SIDT1: variants seen among roughly 807,000 people sequenced by gnomAD.
SIDT1 encodes the protein SID1 transmembrane family, member 1.
SIDT1 carries 101 observed loss-of-function variants against 107.5 expected under a neutral mutation model. The observed-to-expected ratio is 0.94, with a 90% confidence interval of 0.80 to 1.11. The LOEUF is 1.11. Ranked by LOEUF, SIDT1 falls within the 50% of genes least tolerant of loss-of-function variation. SIDT1 has a pLI of 0.00. For missense variants in SIDT1, 1,076 were observed against 1,058.2 expected (o/e 1.02, Z -0.23); for synonymous variants, 395 against 398.2 (o/e 0.99, Z 0.10).
At chr3:113,539,053 A>C (rs1374145803) in intron 1 of SIDT1, among the ~76,000 whole-genome samples, 1 of 152,010 alleles carries the variant, frequency 6.6e-6, no homozygotes, top group East Asian at 1.9e-4. Flanking sequence ...CTATAACGGG[A>C]AACTTCACCT....
At chr3:113,554,407 G>A (rs564152582) in intron 1 of SIDT1, among the ~76,000 whole-genome samples, 1 of 152,262 alleles carries the variant, frequency 6.6e-6, no homozygotes, top group Non-Finnish European at 1.5e-5. Context: ...ATGTGTCATG[G>A]GAGGGGACCG....
rs1015515626 is a variant in SIDT1, at chr3:113,532,959, C to A, written c.-63C>A. The stretch of plus-strand genomic sequence containing the variant: ...GCCCTGCACCGGGCTTTGGAAGGAC[C>A]CTCTCTGCGCTCGCCCCCTCCCCAG... On this transcript the variant is annotated 5_prime_UTR_variant, in exon 1 of 25. Coordinates refer to ENST00000264852, the MANE Select transcript of SIDT1 (RefSeq NM_017699.3). The A allele has an allele frequency of 1.8e-5, 21 of 1,150,868 alleles. No homozygotes were observed. Among genetic ancestry groups the A allele is most frequent in the Non-Finnish European group, 2.4e-5 (21 of 890,468 alleles). The allele number at this position is 1,150,868 out of a possible 1,614,324, so 71.3% of individuals were successfully genotyped here.
chr3:113,623,834 A>C, intron 23 of SIDT1, 101 bp downstream of exon 23: 1 of 766,492 alleles, frequency 1.3e-6, no homozygotes, highest in Non-Finnish European at 2.2e-6. Context: ...AGTGTCTAAA[A>C]TGAAAGTTTT....
At chr3:113,609,603 G>A (rs1945596759) in intron 17 of SIDT1, among the ~76,000 whole-genome samples, 1 of 152,214 alleles carries the variant, frequency 6.6e-6, no homozygotes, top group Non-Finnish European at 1.5e-5. Context: ...AGGAAAAGCT[G>A]ATGCTGTCTA....
chr3:113,600,633 G>A (rs867222229), intron 10 of SIDT1, among the ~76,000 whole-genome samples: 1 of 152,190 alleles, frequency 6.6e-6, no homozygotes, highest in South Asian at 2.1e-4. Context: ...CTGTAACTAT[G>A]GCCAATTCTG....
chr3:113,571,351 G>A (rs1444737524), intron 3 of SIDT1, among the ~76,000 whole-genome samples: 1 of 152,220 alleles, frequency 6.6e-6, no homozygotes, highest in African/African-American at 2.4e-5. Context: ...CCAGGAGTTT[G>A]TGCTGCTGTG....
In SIDT1 at chr3:113,595,374, A is replaced by G. The variant is rs1944469552; in HGVS notation, c.1045+2326A>G. ...GATTGTTTGGGCCTAGGAGTTCGAG[A>G]CCAGCCTAGGCAACATAGTAAGACT... is the stretch of plus-strand genomic sequence containing the variant. On this transcript the variant is annotated intron_variant, in intron 10 of 24. Coordinates refer to ENST00000264852, the MANE Select transcript of SIDT1 (RefSeq NM_017699.3). Among the ~76,000 whole-genome samples, 4 of 152,062 alleles carry G rather than the reference A, an allele frequency of 2.6e-5. No individual in the cohort carries two copies. The South Asian group carries it at 6.2e-4, about 24-fold the overall frequency.
chr3:113,570,454 G>C (rs891755246), intron 3 of SIDT1, among the ~76,000 whole-genome samples: 2 of 136,478 alleles, frequency 1.5e-5, no homozygotes, highest in Non-Finnish European at 3.1e-5. Context: ...TCTTCTGTAA[G>C]GTTATTAGAA....
In SIDT1 at chr3:113,580,593, T is replaced by C; in HGVS notation, c.562-15T>C. The C allele has an allele frequency of 6.7e-7, 1 of 1,486,994 alleles. No homozygotes were observed. The highest frequency in any genetic ancestry group is 9.4e-7 in the Non-Finnish European group (1 of 1,065,710). The allele number at this position is 1,486,994 out of a possible 1,614,324, so 92.1% of individuals were successfully genotyped here. On this transcript the variant is annotated splice_polypyrimidine_tract_variant and intron_variant, in intron 4 of 24. Transcript: ENST00000264852. ...ATGTAAATATAAATCATGTCTTTCT[T>C]TTTCTTATTCTCAGTATTTTCTATA...
intron 1 of SIDT1, among the ~76,000 whole-genome samples, chr3:113,551,643 T>C (rs1397305666): frequency 6.6e-6 from 1 of 152,206 alleles, no homozygotes; most frequent in Non-Finnish European, 1.5e-5. Context: ...GATTTTTTAT[T>C]ATCGTTTTCC....
chr3:113,613,845 T>A (rs1267883554), intron 19 of SIDT1, among the ~76,000 whole-genome samples: 1 of 152,254 alleles, frequency 6.6e-6, no homozygotes, highest in East Asian at 1.9e-4. Context: ...CCAAATTATC[T>A]TATCTTTTAA....
Position 113,599,799 on chromosome 3 carries a change from T to A in SIDT1, c.1046-1789T>A, listed in dbSNP as rs142446084. ...TCTGCAGGCAGGTAGGATGAATAAGTCTAGTATACAGTAGGAAGAATATAT... is the reference window on the plus strand; with the variant it reads ...TCTGCAGGCAGGTAGGATGAATAAGACTAGTATACAGTAGGAAGAATATAT... On this transcript the variant is annotated intron_variant, in intron 10 of 24. Transcript: ENST00000264852. Among the ~76,000 whole-genome samples, 10 of 152,228 alleles carry A rather than the reference T, an allele frequency of 6.6e-5. No homozygotes were observed. The East Asian group carries it at 1.3e-3, about 21-fold the overall frequency.
chr3:113,618,326 C>T (rs539069955), intron 20 of SIDT1, among the ~76,000 whole-genome samples: 1 of 152,328 alleles, frequency 6.6e-6, no homozygotes, highest in Non-Finnish European at 1.5e-5. Flanking sequence ...TTTATTCACC[C>T]ACTAAAGGGC....
At chr3:113,544,347 C>A (rs1021920147) in intron 1 of SIDT1, among the ~76,000 whole-genome samples, 1 of 152,088 alleles carries the variant, frequency 6.6e-6, no homozygotes, top group South Asian at 2.1e-4. Flanking sequence ...CACACAACCA[C>A]GCCCAGCTAA....
intron 17 of SIDT1, 68 bp downstream of exon 17, chr3:113,608,604 A>C: frequency 8.8e-7 from 1 of 1,137,104 alleles, no homozygotes; most frequent in Non-Finnish European, 1.3e-6. Context: ...CTCCCCAAAA[A>C]TGCCAAAGTC....
At chr3:113,597,495 C>CAAAAAAAAAAAAAA (rs60934363) in intron 10 of SIDT1, among the ~76,000 whole-genome samples, 1 of 109,532 alleles carries the variant, frequency 9.1e-6, no homozygotes, top group Non-Finnish European at 1.8e-5. Flanking sequence ...GACTCCATCT[C>CAAAAAAAAAAAAAA]AAAAAAAAAA....
intron 1 of SIDT1, among the ~76,000 whole-genome samples, chr3:113,551,771 T>C (rs1442126476): frequency 6.6e-6 from 1 of 151,984 alleles, no homozygotes; most frequent in Non-Finnish European, 1.5e-5. Context: ...CAGCCTCCCA[T>C]GAACCATGGT....
At chr3:113,625,968 G>A (rs1946821336) in intron 23 of SIDT1, 134 bp from the exon 24 acceptor site, 1 of 694,872 alleles carries the variant, frequency 1.4e-6, no homozygotes, top group Admixed American at 2.2e-5. Context: ...GTTTTTGTGT[G>A]GATGGATGTT....
rs749948748 is a variant in SIDT1 at position 113,616,081 on chromosome 3, G to A, written c.1967-19G>A. On this transcript the variant is annotated intron_variant, in intron 19 of 24. Transcript: ENST00000264852. ...TTTGTTGACTAAGCCTTCTCACCAT[G>A]CATTTGTATTATCAGCAGATTTGGG... 7.6e-6 allele frequency: 12 copies of A among 1,585,984 alleles called. No individual in the cohort carries two copies. Among genetic ancestry groups the A allele is most frequent in the Non-Finnish European group, 1.0e-5 (12 of 1,154,252 alleles).
Sources: gnomAD v4.1 joint callset for allele counts (sites outside exome capture counted in the v4.1 genomes callset) on GRCh38, gnomAD v4.1.1 for gene constraint, MANE v1.5 for transcripts, NCBI Gene and HGNC (gene_info 2026-07-23, HGNC 2026-07-21) for gene names.